ZNF680: variants seen among roughly 807,000 people sequenced by gnomAD.
The protein encoded by ZNF680 is zinc finger protein 680.
In ZNF680, 6 loss-of-function variants were observed where a neutral mutation model predicts 12.1. The ratio of observed to expected loss-of-function variants is 0.49; its 90% confidence interval spans 0.27 to 0.98. The LOEUF is 0.98. ZNF680 is among the 50% of genes least tolerant of loss of function. The pLI, the probability that ZNF680 is intolerant of heterozygous loss-of-function variation, is 0.12. For missense variants in ZNF680, 561 were observed against 616.3 expected (o/e 0.91, Z 0.95); for synonymous variants, 170 against 199.3 (o/e 0.85, Z 1.24).
intron 3 of ZNF680, among the ~76,000 whole-genome samples, chr7:64,530,126 C>G (rs1785784172): frequency 6.6e-6 from 1 of 152,154 alleles, no homozygotes; most frequent in Non-Finnish European, 1.5e-5. Context: ...ATTACCAAGC[C>G]ACTACTACAA....
At chr7:64,553,930 C>T (rs1001498863) in intron 1 of ZNF680, among the ~76,000 whole-genome samples, 1 of 152,110 alleles carries the variant, frequency 6.6e-6, no homozygotes, top group Non-Finnish European at 1.5e-5. Context: ...GATCTCGGCT[C>T]GCTACAACCT....
chr7:64,507,068 A>G, the ZNF680 span, among the ~76,000 whole-genome samples: 1 of 151,838 alleles, frequency 6.6e-6, no homozygotes, highest in East Asian at 1.9e-4. Flanking sequence ...ATTTATATTA[A>G]TTCTTTTAAA....
chr7:64,527,529 C>G (rs1416790277), intron 3 of ZNF680, among the ~76,000 whole-genome samples: 2 of 152,002 alleles, frequency 1.3e-5, no homozygotes, highest in Non-Finnish European at 2.9e-5. Flanking sequence ...ATCCCCGTCT[C>G]TACTAAAAAT....
chr7:64,505,266 G>A, the ZNF680 span, among the ~76,000 whole-genome samples: 1 of 152,212 alleles, frequency 6.6e-6, no homozygotes, highest in South Asian at 2.1e-4. Context: ...CTTTTATCAT[G>A]TTAAACTAAG....
chr7:64,517,987 G>A (rs1251089773), downstream of ZNF680, among the ~76,000 whole-genome samples: 1 of 152,036 alleles, frequency 6.6e-6, no homozygotes, highest in Non-Finnish European at 1.5e-5. Flanking sequence ...ACACTGAACA[G>A]GGTAAAGTTG....
intron 3 of ZNF680, 53 bp downstream of exon 3, chr7:64,543,654 A>C (rs1466255689): frequency 6.9e-7 from 1 of 1,458,290 alleles, no homozygotes; most frequent in Admixed American, 1.8e-5. Flanking sequence ...TCTCTTTGAC[A>C]TCTGGACCTC....
At chr7:64,548,938 T>C (rs899753624) in intron 1 of ZNF680, among the ~76,000 whole-genome samples, 2 of 151,922 alleles carry the variant, frequency 1.3e-5, no homozygotes, top group African/African-American at 2.4e-5. Context: ...CTGGCCAACA[T>C]GGTGAAACCC....
At chr7:64,534,192 G>A (rs759166451) in intron 3 of ZNF680, among the ~76,000 whole-genome samples, 1 of 152,110 alleles carries the variant, frequency 6.6e-6, no homozygotes, top group Non-Finnish European at 1.5e-5. Flanking sequence ...AAGAGCTTTT[G>A]CACAGCAAAA....
intron 3 of ZNF680, chr7:64,525,645 T>C (rs1791798616): frequency 3.8e-6 from 2 of 524,740 alleles, no homozygotes; most frequent in Non-Finnish European, 4.9e-6. Context: ...AGGACTAAAA[T>C]AAACATTTAA....
At position 64,520,900 on chromosome 7, in the gene ZNF680, TTGAG is replaced by T. The variant is rs1284079828; in HGVS notation, c.*257_*260del. 3 of 358,784 alleles carry T rather than the reference TTGAG, an allele frequency of 8.4e-6. No homozygotes were observed. The highest frequency in any genetic ancestry group is 4.2e-5 in the African/African-American group (2 of 47,456). The allele number at this position is 358,784 out of a possible 1,614,324, so 22.2% of individuals were successfully genotyped here. A position where few individuals can be genotyped will look rare whatever the true frequency, so the allele number is the denominator to read the frequency against. ...CTTTTAATAAGTATAAACTCTGGTG[TTGAG>T]TAAGATGTGAAAAGATATCAATGAC... On this transcript the variant is annotated 3_prime_UTR_variant, in exon 4 of 4. Coordinates refer to ENST00000309683, the MANE Select transcript of ZNF680 (RefSeq NM_178558.5).
rs1190673565 is a variant in ZNF680 at position 64,521,558 on chromosome 7, A to G, written c.1196T>C (p.Ile399Thr). 6.2e-7 allele frequency: 1 copy of G among 1,612,962 alleles called. No homozygotes were observed. Among genetic ancestry groups the G allele is most frequent in the African/African-American group, 1.3e-5 (1 of 74,866 alleles). The change falls in exon 4 of 4, where the codon ATT becomes ACT. Residue 399 changes from isoleucine (I) to threonine (T), a missense_variant. By Grantham distance (89) the Ile-to-Thr change is moderately conservative. Transcript: ENST00000309683. ...TTTGTAGGGTTTCTCTCCAGTATGA[A>G]TTCTCATATGTTCAGTAAGGTTTGA... ...QSSNLTEHMRIHTGEKPYKCE... is the reference protein window; with the variant it reads ...QSSNLTEHMRTHTGEKPYKCE...
intron 1 of ZNF680, among the ~76,000 whole-genome samples, chr7:64,559,228 A>C (rs1421612044): frequency 6.6e-6 from 1 of 152,192 alleles, no homozygotes; most frequent in Non-Finnish European, 1.5e-5. Flanking sequence ...TAGTGAGTTC[A>C]GGGTCCCAAG....
chr7:64,554,925 A>G (rs1054774889), intron 1 of ZNF680, among the ~76,000 whole-genome samples: 1 of 152,068 alleles, frequency 6.6e-6, no homozygotes, highest in African/African-American at 2.4e-5. Flanking sequence ...CCTTCCCTCC[A>G]CTATTGTCCT....
chr7:64,517,105 C>A (rs1338148655), downstream of ZNF680, among the ~76,000 whole-genome samples: 1 of 151,662 alleles, frequency 6.6e-6, no homozygotes, highest in Non-Finnish European at 1.5e-5. Context: ...AGGAAACAAC[C>A]TAGCTCAGTG....
intron 1 of ZNF680, chr7:64,560,886 T>C (rs1787697257): frequency 6.6e-6 from 1 of 152,172 alleles, no homozygotes; most frequent in South Asian, 2.1e-4. Context: ...AACAAAATAG[T>C]AAATGAGAAT....
At chr7:64,529,723 T>C (rs1785764761) in intron 3 of ZNF680, among the ~76,000 whole-genome samples, 4 of 152,108 alleles carry the variant, frequency 2.6e-5, no homozygotes, top group Non-Finnish European at 4.4e-5. Flanking sequence ...GAAAACACAC[T>C]TGGGTTGATA....
chr7:64,539,433 G>C (rs1786381814), intron 3 of ZNF680, among the ~76,000 whole-genome samples: 2 of 145,910 alleles, frequency 1.4e-5, no homozygotes, highest in South Asian at 4.4e-4. Flanking sequence ...CACCTAAAAT[G>C]AGCCAGTAAC....
intron 1 of ZNF680, among the ~76,000 whole-genome samples, chr7:64,549,094 T>C (rs1412945140): frequency 3.4e-5 from 5 of 145,128 alleles, no homozygotes; most frequent in African/African-American, 1.3e-4. Context: ...CACTCCAGCC[T>C]GGGCAATAGG....
chr7:64,530,804 G>C (rs1785824145), intron 3 of ZNF680, among the ~76,000 whole-genome samples: 1 of 151,484 alleles, frequency 6.6e-6, no homozygotes, highest in Non-Finnish European at 1.5e-5. Flanking sequence ...GTTGCAGTGA[G>C]CCAAGATTGT....
Sources: gnomAD v4.1 joint callset for allele counts (sites outside exome capture counted in the v4.1 genomes callset) on GRCh38, gnomAD v4.1.1 for gene constraint, MANE v1.5 for transcripts, NCBI Gene and HGNC (gene_info 2026-07-23, HGNC 2026-07-21) for gene names.